The following ACOT4 variants were observed in gnomAD, a reference collection of about 807,000 sequenced individuals.
ACOT4 encodes the protein acyl-CoA thioesterase 4.
Under a neutral mutation model 17.1 loss-of-function variants are expected in ACOT4, and 18 were observed. The ratio of observed to expected loss-of-function variants is 1.05; its 90% CI spans 0.73 to 1.56. ACOT4 has a LOEUF of 1.56. ACOT4 is among the 40% of genes most tolerant of loss of function. The pLI, the probability that ACOT4 is intolerant of heterozygous loss-of-function variation, is 0.00. For missense variants in ACOT4, 574 were observed against 557.2 expected, an observed-to-expected ratio of 1.03 and a Z score of -0.30; for synonymous variants, 234 against 236.6, an observed-to-expected ratio of 0.99 and a Z score of 0.10.
rs1477590931 is a variant in ACOT4 at position 73,593,854 on chromosome 14, T to C, written c.610T>C (p.Ser204Pro). 6.2e-7 allele frequency: 1 copy of C among 1,613,966 alleles called. No homozygotes were observed. The highest frequency in any genetic ancestry group is 1.7e-5 in the Admixed American group (1 of 59,990). Residue 204 changes from serine to proline, a missense_variant, in exon 2 of 3, where the codon TCC becomes CCC. By Grantham distance (74) the Ser-to-Pro change is moderately conservative. Coordinates refer to ENST00000326303, the MANE Select transcript of ACOT4 (RefSeq NM_152331.4). ...TCTCCCCAATAACATGGACAACATA[T>C]CCCTGGAGTACTTCGAAGAAGCCGT... ...EDLPNNMDNI[S>P]LEYFEEAVCY...
In ACOT4 at chr14:73,595,323, A is replaced by G. The variant is rs1442087740; in HGVS notation, c.935A>G (p.Glu312Gly). 6.2e-7 allele frequency: 1 copy of G among 1,614,128 alleles called. No individual in the cohort carries two copies. The highest frequency in any genetic ancestry group is 8.5e-7 in the Non-Finnish European group (1 of 1,180,050). The change falls in exon 3 of 3, where the codon GAG becomes GGG. Residue 312 changes from glutamate (E) to glycine (G), a missense_variant. Glu to Gly is a moderately conservative substitution (Grantham distance 98). Coordinates refer to ENST00000326303, the MANE Select transcript of ACOT4 (RefSeq NM_152331.4). ...GYKNPSMIPIEKAQGPILLIV... is the reference protein window; with the variant it reads ...GYKNPSMIPIGKAQGPILLIV... ...AAGAACCCCAGCATGATTCCAATAG[A>G]GAAGGCCCAGGGGCCCATCCTGCTC...
In ACOT4 at chr14:73,593,868, C is replaced by T. The variant is rs35909515; in HGVS notation, c.624C>T (p.Phe208=). The part of the protein sequence containing the change: ...NNMDNISLEY[F]EEAVCYMLQH... The stretch of plus-strand genomic sequence containing the variant: ...TGGACAACATATCCCTGGAGTACTT[C>T]GAAGAAGCCGTATGCTACATGCTTC... The change falls in exon 2 of 3, where the codon TTC becomes TTT. Residue 208 remains phenylalanine, a synonymous_variant. Coordinates refer to ENST00000326303, the MANE Select transcript of ACOT4 (RefSeq NM_152331.4). 1,000 of 1,613,718 alleles carry T rather than the reference C, an allele frequency of 6.2e-4. 7 individuals are homozygous for T. The African/African-American group carries it at 0.012, about 19-fold the overall frequency.
intron 2 of ACOT4, among the ~76,000 whole-genome samples, chr14:73,594,761 C>T (rs1011267820): frequency 6.6e-6 from 1 of 152,076 alleles, no homozygotes; most frequent in Non-Finnish European, 1.5e-5. Context: ...AGCGCAGTGG[C>T]GCAATCTCGG....
chr14:73,595,664 C>T lies in ACOT4; in HGVS notation c.*10C>T, dbSNP rs372548469. The T allele has an allele frequency of 2.0e-5, 31 of 1,513,322 alleles. No homozygotes were observed. The highest frequency in any genetic ancestry group is 2.7e-5 in the Non-Finnish European group (31 of 1,131,920). The allele number at this position is 1,513,322 out of a possible 1,614,324, so 93.7% of individuals were successfully genotyped here. On this transcript the variant is annotated 3_prime_UTR_variant, in exon 3 of 3. Coordinates refer to ENST00000326303, the MANE Select transcript of ACOT4 (RefSeq NM_152331.4). ...TGTCCCTAAATTGTAATGCATTTGT[C>T]TGTTGTTGACATGAGAGATTCAAGA...
intron 2 of ACOT4, 26 bp downstream of exon 2, chr14:73,593,930 C>A: frequency 6.3e-7 from 1 of 1,579,896 alleles, no homozygotes; most frequent in South Asian, 1.1e-5. Context: ...TTTATTTAAT[C>A]AGTCTCTCTA....
At position 73,593,742 on chromosome 14, in the gene ACOT4, T is replaced by C; in HGVS notation, c.498T>C (p.Ile166=). ...CAGGGATCATTGACATCTTTGGTAT[T>C]GGAGGGGGCCTCTTGGAATATCGAG... ...PFPGIIDIFG[I]GGGLLEYRAS... Residue 166 remains isoleucine (I), a synonymous_variant, in exon 2 of 3, where the codon ATT becomes ATC. Transcript: ENST00000326303. 1 of 1,613,702 alleles carries C rather than the reference T, an allele frequency of 6.2e-7. No individual in the cohort carries two copies. The highest frequency in any genetic ancestry group is 8.5e-7 in the Non-Finnish European group (1 of 1,179,758).
chr14:73,594,968 G>A (rs1259556252), intron 2 of ACOT4, 81 bp from the exon 3 acceptor site: 12 of 1,536,112 alleles, frequency 7.8e-6, no homozygotes, highest in Middle Eastern at 2.4e-4. Context: ...GCCTCGCAGA[G>A]TGTTGGGATT....
rs1476985412 is a variant in ACOT4 at position 73,592,401 on chromosome 14, C to T, written c.442C>T (p.Leu148Phe). 2 of 1,532,952 alleles carry T rather than the reference C, an allele frequency of 1.3e-6. No homozygotes were observed. Among genetic ancestry groups the T allele is most frequent in the East Asian group, 2.4e-5 (1 of 40,906 alleles). The allele number at this position is 1,532,952 out of a possible 1,614,324, so 95.0% of individuals were successfully genotyped here. A position where few individuals can be genotyped will look rare whatever the true frequency, so the allele number is the denominator to read the frequency against. ...SVRAGRVRAT[L>F]FLPPGPGPFP... Reference sequence around the variant, plus strand: ...GCGAGCGGGCCGGGTGCGCGCCACGCTCTTCCTGCCGCCAGGTGAGCCAGG... The same window carrying T: ...GCGAGCGGGCCGGGTGCGCGCCACGTTCTTCCTGCCGCCAGGTGAGCCAGG... Residue 148 changes from leucine to phenylalanine, a missense_variant, in exon 1 of 3, where the codon CTC becomes TTC. Leu to Phe is a conservative substitution (Grantham distance 22). Coordinates refer to ENST00000326303, the MANE Select transcript of ACOT4 (RefSeq NM_152331.4).
At chr14:73,592,448 G>C in intron 1 of ACOT4, 32 bp downstream of exon 1, 1 of 1,468,958 alleles carries the variant, frequency 6.8e-7, no homozygotes, top group Non-Finnish European at 8.9e-7. Flanking sequence ...TGGTGTGAGC[G>C]TCAGTGGCCT....
In ACOT4 at chr14:73,595,638, C is replaced by A. The variant is rs1890235424; in HGVS notation, c.1250C>A (p.Ala417Asp). 1 of 1,523,654 alleles carries A rather than the reference C, an allele frequency of 6.6e-7. No individual in the cohort carries two copies. The highest frequency in any genetic ancestry group is 8.8e-7 in the Non-Finnish European group (1 of 1,136,920). The allele number at this position is 1,523,654 out of a possible 1,614,324, so 94.4% of individuals were successfully genotyped here. ...CKHLGGTQKT[A>D]VPKL Reference sequence around the variant, plus strand: ...CACCTGGGAGGTACCCAGAAAACAGCTGTCCCTAAATTGTAATGCATTTGT... The same window carrying A: ...CACCTGGGAGGTACCCAGAAAACAGATGTCCCTAAATTGTAATGCATTTGT... Residue 417 changes from alanine to aspartate, a missense_variant, in exon 3 of 3, where the codon GCT (alanine) becomes GAT (aspartate). By Grantham distance (126) the Ala-to-Asp change is moderately radical (BLOSUM62 -2). Coordinates refer to ENST00000326303, the MANE Select transcript of ACOT4 (RefSeq NM_152331.4).
intron 1 of ACOT4, among the ~76,000 whole-genome samples, chr14:73,592,949 A>G (rs1046560724): frequency 3.9e-5 from 6 of 152,226 alleles, no homozygotes; most frequent in Admixed American, 2.6e-4. Flanking sequence ...ATCCCAATGA[A>G]GTTGGTATTG....
Position 73,591,971 on chromosome 14 carries a change from G to A in ACOT4, c.12G>A (p.Thr4=), listed in dbSNP as rs1442041457. Residue 4 remains threonine (T), a synonymous_variant, in exon 1 of 3, where the codon ACG becomes ACA. Coordinates refer to ENST00000326303, the MANE Select transcript of ACOT4 (RefSeq NM_152331.4). ...GCTCCGGCTCCAAGATGTCAGCAAC[G>A]CTGATCCTGGAGCCCCCAGGCCGCT... MSA[T]LILEPPGRCC... is the part of the protein sequence containing the mutation. The A allele has an allele frequency of 1.4e-6, 2 of 1,394,514 alleles. No homozygotes were observed. The highest frequency in any genetic ancestry group is 3.8e-5 in the Admixed American group (1 of 26,564). 86.4% of individuals were successfully genotyped at this position (1,394,514 alleles called of 1,614,324 possible). A position where few individuals can be genotyped will look rare whatever the true frequency, so the allele number is the denominator to read the frequency against.
In ACOT4 at chr14:73,595,049, G is replaced by C. The variant is rs762808031; in HGVS notation, c.661G>C (p.Val221Leu). The C allele has an allele frequency of 6.2e-7, 1 of 1,612,816 alleles. No individual in the cohort carries two copies. Among genetic ancestry groups the C allele is most frequent in the South Asian group, 1.1e-5 (1 of 91,040 alleles). ...ACTCTCCTCTCTTCTTTTCTTCCAG[G>C]TAAAAGGCCCAGGCATTGGGCTTTT... The part of the protein sequence containing the change: ...AVCYMLQHPQ[V>L]KGPGIGLLGI... The change falls in exon 3 of 3, where the codon GTA (valine) becomes CTA (leucine). Residue 221 changes from valine to leucine, a missense_variant and splice_region_variant. Transcript: ENST00000326303.
Position 73,595,555 on chromosome 14 carries a change from G to C in ACOT4, c.1167G>C (p.Arg389Ser), listed in dbSNP as rs374310894. The C allele has an allele frequency of 1.3e-5, 21 of 1,603,844 alleles. No homozygotes were observed. In the East Asian group the frequency reaches 3.1e-4, roughly 24 times the overall value. Residue 389 changes from arginine to serine, a missense_variant, in exon 3 of 3, where the codon AGG becomes AGC. By Grantham distance (110) the Arg-to-Ser change is moderately radical. Transcript: ENST00000326303. ...ATGTTATATGGGGTGGGGAGCCCAGGGCTCATTCTAAGGCCCAGGAAGATG... is the reference window on the plus strand; with the variant it reads ...ATGTTATATGGGGTGGGGAGCCCAGCGCTCATTCTAAGGCCCAGGAAGATG... ...NKHVIWGGEP[R>S]AHSKAQEDAW... is the part of the protein sequence containing the mutation.
Position 73,592,082 on chromosome 14 carries a change from G to A in ACOT4, c.123G>A (p.Glu41=), listed in dbSNP as rs563124968. 1 of 1,487,798 alleles carries A rather than the reference G, an allele frequency of 6.7e-7. No individual in the cohort carries two copies. Among genetic ancestry groups the A allele is most frequent in the East Asian group, 2.8e-5 (1 of 35,800 alleles). 92.2% of individuals were successfully genotyped at this position (1,487,798 alleles called of 1,614,324 possible). The change falls in exon 1 of 3, where the codon GAG becomes GAA. Residue 41 remains glutamate (E), a synonymous_variant. Transcript: ENST00000326303. ...CGCTGCGCGCGTCCCTGCGCGACGA[G>A]AAGGGCGCGCTCTTCCGGGCCCACG... is the stretch of plus-strand genomic sequence containing the variant. ...RVTLRASLRD[E]KGALFRAHAR...
intron 1 of ACOT4, among the ~76,000 whole-genome samples, chr14:73,593,497 C>G (rs189649368): frequency 6.7e-6 from 1 of 150,360 alleles, no homozygotes; most frequent in Non-Finnish European, 1.5e-5. Context: ...CACCACCACA[C>G]TGACTAATTA....
chr14:73,595,298 A>C lies in ACOT4; in HGVS notation c.910A>C (p.Lys304Gln). ...DIRNALVGGY[K>Q]NPSMIPIEKA... The stretch of plus-strand genomic sequence containing the variant: ...AAGGAATGCTCTCGTAGGAGGGTAC[A>C]AGAACCCCAGCATGATTCCAATAGA... The change falls in exon 3 of 3, where the codon AAG becomes CAG. Residue 304 changes from lysine (K) to glutamine (Q), a missense_variant. By Grantham distance (53) the Lys-to-Gln change is moderately conservative (BLOSUM62 1). Coordinates refer to ENST00000326303, the MANE Select transcript of ACOT4 (RefSeq NM_152331.4). 6.2e-7 allele frequency: 1 copy of C among 1,614,224 alleles called. No individual in the cohort carries two copies. The highest frequency in any genetic ancestry group is 8.5e-7 in the Non-Finnish European group (1 of 1,180,042).
intron 1 of ACOT4, 120 bp from the exon 2 acceptor site, chr14:73,593,582 A>G (rs144277515): frequency 4.8e-5 from 42 of 876,476 alleles, no homozygotes; most frequent in East Asian, 3.8e-4. Context: ...GCCTCAAGCA[A>G]TCCTCCTGCC....
chr14:73,592,848 G>A (rs534210269), intron 1 of ACOT4, among the ~76,000 whole-genome samples: 2 of 152,198 alleles, frequency 1.3e-5, no homozygotes, highest in East Asian at 1.9e-4. Flanking sequence ...GCGAGACTCC[G>A]TCTCAAAAAA....
Sources: gnomAD v4.1 joint callset for allele counts (sites outside exome capture counted in the v4.1 genomes callset) on GRCh38, gnomAD v4.1.1 for gene constraint, MANE v1.5 for transcripts, NCBI Gene and HGNC (gene_info 2026-07-23, HGNC 2026-07-21) for gene names.